PNPLA8: variants seen among roughly 807,000 people sequenced by gnomAD.
PNPLA8 encodes the protein patatin like domain 8, phospholipase A2.
A neutral mutation model predicts 76.9 loss-of-function variants in PNPLA8; 39 were observed. That is an observed-to-expected ratio of 0.51 (90% CI 0.39 to 0.66). PNPLA8 has a LOEUF of 0.66. Among genes scored for constraint, PNPLA8 ranks in the 30% least tolerant of loss-of-function variants. The pLI, the probability that PNPLA8 is intolerant of heterozygous loss-of-function variation, is 0.00. For synonymous variants in PNPLA8, 301 were observed against 307.9 expected, an observed-to-expected ratio of 0.98 and a Z score of 0.24; for missense variants, 887 against 918.0, an observed-to-expected ratio of 0.97 and a Z score of 0.44.
intron 10 of PNPLA8, among the ~76,000 whole-genome samples, chr7:108,477,819 G>A (rs1860107330): frequency 6.6e-6 from 1 of 152,154 alleles, no homozygotes; most frequent in African/African-American, 2.4e-5. Flanking sequence ...AGCTATCATT[G>A]TCACTGCGTT....
At chr7:108,522,946 G>A (rs560954497) in intron 1 of PNPLA8, among the ~76,000 whole-genome samples, 1 of 152,220 alleles carries the variant, frequency 6.6e-6, no homozygotes, top group South Asian at 2.1e-4. Flanking sequence ...AAATCAATAA[G>A]TTTAATTGCC....
At chr7:108,476,951 CAG>C (rs1161460809) in intron 10 of PNPLA8, among the ~76,000 whole-genome samples, 1 of 151,840 alleles carries the variant, frequency 6.6e-6, no homozygotes, top group African/African-American at 2.4e-5. Context: ...CTAAAAAAAA[CAG>C]AGGAGAATGG....
In PNPLA8 at chr7:108,515,037, T is replaced by A; in HGVS notation, c.455A>T (p.Gln152Leu). The part of the protein sequence containing the change: ...SGWLKQKNIK[Q>L]AIKSLKKYSD... ...ATATTTTTTCAGAGATTTGATGGCT[T>A]GTTTGATGTTTTTCTGTTTTAACCA... The change falls in exon 3 of 11, where the codon CAA (glutamine) becomes CTA (leucine). Residue 152 changes from glutamine (Q) to leucine (L), a missense_variant. Coordinates refer to ENST00000257694, the MANE Select transcript of PNPLA8 (RefSeq NM_001256007.3). 6.2e-7 allele frequency: 1 copy of A among 1,607,804 alleles called. No individual in the cohort carries two copies. The highest frequency in any genetic ancestry group is 8.5e-7 in the Non-Finnish European group (1 of 1,179,888).
chr7:108,502,837 ATT>A (rs1181472402), intron 4 of PNPLA8, 195 bp from the exon 5 acceptor site: 1 of 387,028 alleles, frequency 2.6e-6, no homozygotes, highest in Non-Finnish European at 4.5e-6. Context: ...TTGTTCTAAT[ATT>A]GAGGACAAAA....
rs1312508647 is a variant in PNPLA8, at chr7:108,496,694, A to C, written c.1515T>G (p.Leu505=). The change falls in exon 7 of 11, where the codon CTT becomes CTG. Residue 505 remains leucine (L), a synonymous_variant. Transcript: ENST00000257694. ...FHMPLDECEE[L]YRKLGSDVFS... ...ATACATCTGATCCTAATTTTCGATA[A>C]AGTTCCTCACATTCATCCAAGGGCA... is the stretch of plus-strand genomic sequence containing the variant. 1 of 1,611,894 alleles carries C rather than the reference A, an allele frequency of 6.2e-7. No homozygotes were observed. The highest frequency in any genetic ancestry group is 1.3e-5 in the African/African-American group (1 of 74,812).
At chr7:108,519,461 T>A (rs1335978726) in intron 2 of PNPLA8, among the ~76,000 whole-genome samples, 19 of 152,142 alleles carry the variant, frequency 1.2e-4, no homozygotes, top group Non-Finnish European at 1.5e-5. Context: ...TAGTCTAGTT[T>A]TACTGCAGGA....
At chr7:108,490,377 C>T (rs1328994812) in intron 8 of PNPLA8, among the ~76,000 whole-genome samples, 1 of 151,648 alleles carries the variant, frequency 6.6e-6, no homozygotes, top group East Asian at 1.9e-4. Flanking sequence ...CTCTATAATA[C>T]TTGCACAATG....
intron 4 of PNPLA8, among the ~76,000 whole-genome samples, chr7:108,506,642 A>G (rs1862450256): frequency 6.6e-6 from 1 of 152,166 alleles, no homozygotes; most frequent in East Asian, 1.9e-4. Flanking sequence ...CCAAATGTCT[A>G]GCAATAGAGG....
chr7:108,472,344 G>A lies in PNPLA8; in HGVS notation c.*57C>T, dbSNP rs536892341. On this transcript the variant is annotated 3_prime_UTR_variant, in exon 11 of 11. Coordinates refer to ENST00000257694, the MANE Select transcript of PNPLA8 (RefSeq NM_001256007.3). ...ATGTCGAACCCCACAATTCCTTATTGAATGTGGTTGATCTTCTAAACAGAC... is the reference window on the plus strand; with the variant it reads ...ATGTCGAACCCCACAATTCCTTATTAAATGTGGTTGATCTTCTAAACAGAC... 98 of 1,194,634 alleles carry A rather than the reference G, an allele frequency of 8.2e-5. No individual in the cohort carries two copies. In the East Asian group the frequency reaches 2.1e-3, roughly 26 times the overall value. The allele number at this position is 1,194,634 out of a possible 1,614,324, so 74.0% of individuals were successfully genotyped here. A position where few individuals can be genotyped will look rare whatever the true frequency, so the allele number is the denominator to read the frequency against.
chr7:108,515,483 AAT>A lies in PNPLA8; in HGVS notation c.7_8del (p.Ile3Ter). On this transcript the variant is annotated frameshift_variant, in exon 3 of 11. Coordinates refer to ENST00000257694, the MANE Select transcript of PNPLA8 (RefSeq NM_001256007.3). LOFTEE classifies it high-confidence loss of function. The stretch of plus-strand genomic sequence containing the variant: ...AAATATATATATCTACAGTCAGATT[AAT>A]AGACATAACTTAAAAATCATTTATT... MSINLTVDIYIYL... is the reference protein window; with the variant it reads MSXNLTVDIYIYL... 1 of 1,446,176 alleles carries A rather than the reference AAT, an allele frequency of 6.9e-7. No individual in the cohort carries two copies. The highest frequency in any genetic ancestry group is 9.2e-7 in the Non-Finnish European group (1 of 1,091,856). The allele number at this position is 1,446,176 out of a possible 1,614,324, so 89.6% of individuals were successfully genotyped here. A position where few individuals can be genotyped will look rare whatever the true frequency, so the allele number is the denominator to read the frequency against.
At chr7:108,491,084 C>T (rs142210266) in intron 8 of PNPLA8, among the ~76,000 whole-genome samples, 321 of 152,188 alleles carry the variant, frequency 2.1e-3, no homozygotes, top group African/African-American at 6.9e-3. Context: ...GCGGGCAGAT[C>T]ACCTGAGTTT....
At chr7:108,476,382 T>C (rs937123652) in intron 10 of PNPLA8, among the ~76,000 whole-genome samples, 1 of 152,164 alleles carries the variant, frequency 6.6e-6, no homozygotes, top group African/African-American at 2.4e-5. Context: ...AAATGGCTTA[T>C]GGTAAGGATA....
At chr7:108,498,591 C>G (rs1409152115) in intron 5 of PNPLA8, among the ~76,000 whole-genome samples, 1 of 151,962 alleles carries the variant, frequency 6.6e-6, no homozygotes, top group Non-Finnish European at 1.5e-5. Context: ...GATTTTTAAG[C>G]TCCCTTTTCT....
chr7:108,516,260 G>T (rs775676970), intron 2 of PNPLA8, among the ~76,000 whole-genome samples: 1 of 152,090 alleles, frequency 6.6e-6, no homozygotes, highest in Non-Finnish European at 1.5e-5. Flanking sequence ...ATTGGTAAAA[G>T]AAAAGACAAA....
Position 108,515,487 on chromosome 7 carries a change from G to T in PNPLA8, c.5C>A (p.Ser2Tyr). 1 of 1,423,068 alleles carries T rather than the reference G, an allele frequency of 7.0e-7. No individual in the cohort carries two copies. Among genetic ancestry groups the T allele is most frequent in the Admixed American group, 2.5e-5 (1 of 40,420 alleles). The allele number at this position is 1,423,068 out of a possible 1,614,324, so 88.2% of individuals were successfully genotyped here. ...ATATATATCTACAGTCAGATTAATA[G>T]ACATAACTTAAAAATCATTTATTTT... The part of the protein sequence containing the change: M[S>Y]INLTVDIYIY... The change falls in exon 3 of 11, where the codon TCT (serine) becomes TAT (tyrosine). Residue 2 changes from serine to tyrosine, a missense_variant. Coordinates refer to ENST00000257694, the MANE Select transcript of PNPLA8 (RefSeq NM_001256007.3).
At chr7:108,522,218 C>T (rs1409047478) in intron 1 of PNPLA8, among the ~76,000 whole-genome samples, 2 of 150,570 alleles carry the variant, frequency 1.3e-5, no homozygotes, top group South Asian at 2.1e-4. Context: ...CACTTGAACC[C>T]GGGAGGCGGA....
chr7:108,525,911 C>G (rs899014474), intron 1 of PNPLA8, 118 bp downstream of exon 1: 1 of 319,946 alleles, frequency 3.1e-6, no homozygotes, highest in Non-Finnish European at 4.5e-6. Context: ...TGTCCCCACC[C>G]TCTCGCTCGG....
chr7:108,509,493 G>A (rs1598945400), intron 4 of PNPLA8, among the ~76,000 whole-genome samples: 1 of 147,778 alleles, frequency 6.8e-6, no homozygotes, highest in African/African-American at 2.5e-5. Flanking sequence ...TCTCACACCA[G>A]TTAGAATGGC....
At chr7:108,484,894 A>T (rs991245397) in intron 9 of PNPLA8, among the ~76,000 whole-genome samples, 1 of 152,110 alleles carries the variant, frequency 6.6e-6, no homozygotes, top group Admixed American at 6.6e-5. Flanking sequence ...AGCACTCACT[A>T]CATTTCTGTC....
Sources: gnomAD v4.1 joint callset for allele counts (sites outside exome capture counted in the v4.1 genomes callset) on GRCh38, gnomAD v4.1.1 for gene constraint, MANE v1.5 for transcripts, NCBI Gene and HGNC (gene_info 2026-07-23, HGNC 2026-07-21) for gene names.